Variants in NRXN1 observed in about 807,000 individuals in gnomAD.
NRXN1 encodes the protein neurexin 1.
Under a neutral mutation model 150.9 loss-of-function variants are expected in NRXN1, and 39 were observed. The observed-to-expected ratio is 0.26, with a 90% confidence interval of 0.20 to 0.34. The LOEUF (loss-of-function observed/expected upper bound fraction) is 0.34, where lower values mean the gene tolerates loss of function less well. Among genes scored for constraint, NRXN1 ranks in the 10% least tolerant of loss-of-function variants. The pLI, the probability that NRXN1 is intolerant of heterozygous loss-of-function variation, is 1.00. For missense variants in NRXN1, 1,815 were observed against 1,949.9 expected (o/e 0.93, Z 1.30); for synonymous variants, 924 against 757.0 (o/e 1.22, Z -3.62).
At chr2:49,984,574 T>C (rs2152512086) in intron 21 of NRXN1, among the ~76,000 whole-genome samples, 1 of 152,244 alleles carries the variant, frequency 6.6e-6, no homozygotes, top group Non-Finnish European at 1.5e-5. Flanking sequence ...CTCTTGGTAG[T>C]TCCTAGAGCT....
At chr2:50,623,717 CTTAA>C in intron 5 of NRXN1, 102 bp from the exon 6 acceptor site, 1 of 770,452 alleles carries the variant, frequency 1.3e-6, no homozygotes, top group African/African-American at 1.7e-5. Context: ...AATTAACCTG[CTTAA>C]TTAGATTTCA....
intron 12 of NRXN1, among the ~76,000 whole-genome samples, chr2:50,516,898 T>A (rs1486793692): frequency 6.6e-6 from 1 of 152,190 alleles, no homozygotes; most frequent in Non-Finnish European, 1.5e-5. Context: ...ATGTTTGTTT[T>A]TCAAAAATGA....
intron 18 of NRXN1, among the ~76,000 whole-genome samples, chr2:50,093,082 G>T (rs1052148784): frequency 6.6e-6 from 1 of 150,400 alleles, no homozygotes; most frequent in African/African-American, 2.5e-5. Context: ...GTTAAAATAA[G>T]AAAATAATGC....
At chr2:50,417,047 T>TA (rs2083590784) in intron 17 of NRXN1, 1 of 152,132 alleles carries the variant, frequency 6.6e-6, no homozygotes, top group African/African-American at 2.4e-5. Context: ...TACAGTTACA[T>TA]AAAAAATGAA....
chr2:50,068,567 C>A (rs1292466091), intron 19 of NRXN1, among the ~76,000 whole-genome samples: 1 of 152,246 alleles, frequency 6.6e-6, no homozygotes, highest in Non-Finnish European at 1.5e-5. Context: ...AGCATAACAT[C>A]TTTTAACCTC....
At chr2:50,439,115 T>C (rs1316419407) in intron 17 of NRXN1, among the ~76,000 whole-genome samples, 1 of 152,172 alleles carries the variant, frequency 6.6e-6, no homozygotes, top group African/African-American at 2.4e-5. Context: ...TCTCTTGTCC[T>C]GCCAAAAGAT....
intron 5 of NRXN1, among the ~76,000 whole-genome samples, chr2:50,694,037 C>T (rs1178103565): frequency 6.6e-6 from 1 of 152,068 alleles, no homozygotes; most frequent in African/African-American, 2.4e-5. Context: ...AAGGGATTCT[C>T]TTGCCTTGGC....
chr2:50,395,442 T>C (rs1218066345), intron 17 of NRXN1, among the ~76,000 whole-genome samples: 1 of 151,818 alleles, frequency 6.6e-6, no homozygotes, highest in East Asian at 2.0e-4. Flanking sequence ...ACATTATTTA[T>C]CTTGCTCACA....
intron 5 of NRXN1, among the ~76,000 whole-genome samples, chr2:50,794,134 A>C (rs939047304): frequency 3.3e-5 from 5 of 152,116 alleles, no homozygotes; most frequent in African/African-American, 1.2e-4. Flanking sequence ...TTGGAGTAGA[A>C]GGAGAATCAG....
chr2:50,931,941 A>C (rs1019771997), intron 2 of NRXN1, among the ~76,000 whole-genome samples: 1 of 151,812 alleles, frequency 6.6e-6, no homozygotes, highest in Non-Finnish European at 1.5e-5. Context: ...GGCTCACTGC[A>C]GCCTCTGTCT....
At chr2:50,277,807 C>T (rs921047034) in intron 17 of NRXN1, among the ~76,000 whole-genome samples, 1 of 151,886 alleles carries the variant, frequency 6.6e-6, no homozygotes, top group Non-Finnish European at 1.5e-5. Flanking sequence ...AAGGGTGCAC[C>T]CATCTTTATT....
chr2:49,975,492 T>C (rs1410500889), intron 21 of NRXN1, among the ~76,000 whole-genome samples: 1 of 152,174 alleles, frequency 6.6e-6, no homozygotes, highest in East Asian at 1.9e-4. Flanking sequence ...AACTATTTTT[T>C]TAAACTAAAC....
At chr2:50,173,432 C>T (rs2152803330) in intron 18 of NRXN1, among the ~76,000 whole-genome samples, 1 of 152,294 alleles carries the variant, frequency 6.6e-6, no homozygotes, top group African/African-American at 2.4e-5. Context: ...AAACTGATGA[C>T]ATACAAGACT....
At chr2:50,243,077 G>C (rs1349416639) in intron 17 of NRXN1, among the ~76,000 whole-genome samples, 5 of 151,754 alleles carry the variant, frequency 3.3e-5, no homozygotes, top group African/African-American at 9.7e-5. Flanking sequence ...GGTTAGATAG[G>C]AAGAATGAGT....
intron 18 of NRXN1, among the ~76,000 whole-genome samples, chr2:50,232,444 T>G (rs533468468): frequency 1.4e-5 from 2 of 142,862 alleles, no homozygotes; most frequent in East Asian, 4.1e-4. Context: ...TGGAGTACAG[T>G]GGCACGATCT....
At chr2:50,152,399 A>G (rs1017068641) in intron 18 of NRXN1, among the ~76,000 whole-genome samples, 2 of 151,768 alleles carry the variant, frequency 1.3e-5, no homozygotes, top group Non-Finnish European at 2.9e-5. Context: ...AAGGCTGAAT[A>G]ATGTTCCATT....
At chr2:50,075,728 G>T (rs573081910) in intron 19 of NRXN1, among the ~76,000 whole-genome samples, 1 of 150,828 alleles carries the variant, frequency 6.6e-6, no homozygotes, top group South Asian at 2.2e-4. Flanking sequence ...ATTTAAAAAA[G>T]AAAACTTTCC....
intron 18 of NRXN1, among the ~76,000 whole-genome samples, chr2:50,115,217 G>GTGTATATATATA (rs1553626152): frequency 7.4e-6 from 1 of 134,914 alleles, no homozygotes. Flanking sequence ...TATGTTATGT[G>GTGTATATATATA]TATATATATA....
intron 5 of NRXN1, among the ~76,000 whole-genome samples, chr2:50,914,617 TTGGACAGGGAA>T (rs1361466833): frequency 1.3e-5 from 2 of 151,738 alleles, no homozygotes; most frequent in Non-Finnish European, 2.9e-5. Flanking sequence ...GCTTCTTGCA[TTGGACAGGGAA>T]TGAGAAAGAT....
Sources: allele counts gnomAD v4.1 joint callset (sites outside exome capture counted in the v4.1 genomes callset), GRCh38; gene constraint gnomAD v4.1.1; transcripts MANE v1.5; gene names NCBI Gene and HGNC (gene_info 2026-07-23, HGNC 2026-07-21).